The following PCDH9 variants were observed in gnomAD, a reference collection of about 807,000 sequenced individuals.
PCDH9 encodes the protein protocadherin 9, also known as protocadherin-9.
PCDH9 carries 24 observed loss-of-function variants against 70.6 expected under a neutral mutation model. The ratio of observed to expected loss-of-function variants is 0.34; its 90% CI spans 0.25 to 0.48. The LOEUF (loss-of-function observed/expected upper bound fraction) is 0.48. Among genes scored for constraint, PCDH9 ranks in the 20% least tolerant of loss-of-function variants. The pLI, the probability that PCDH9 is intolerant of heterozygous loss-of-function variation, is 0.99. For missense variants in PCDH9, 1,281 were observed against 1,503.6 expected (o/e 0.85, Z 2.45); for synonymous variants, 562 against 558.5 (o/e 1.01, Z -0.09).
chr13:66,388,557 G>A (rs1054412536), intron 4 of PCDH9, among the ~76,000 whole-genome samples: 2 of 152,148 alleles, frequency 1.3e-5, no homozygotes, highest in African/African-American at 4.8e-5. Context: ...GAAGTTTATA[G>A]TTTACAGTTA....
At chr13:66,351,460 G>A (rs886602600) in intron 4 of PCDH9, among the ~76,000 whole-genome samples, 2 of 151,972 alleles carry the variant, frequency 1.3e-5, no homozygotes, top group East Asian at 1.9e-4. Context: ...AGGGAAAGAC[G>A]TTCGATTTAT....
intron 3 of PCDH9, among the ~76,000 whole-genome samples, chr13:66,689,688 T>A (rs2078454819): frequency 6.6e-6 from 1 of 152,090 alleles, no homozygotes; most frequent in Non-Finnish European, 1.5e-5. Flanking sequence ...TGCTAAAAAA[T>A]TAACCTCAAA....
chr13:66,371,097 T>C (rs2138216747), intron 4 of PCDH9, among the ~76,000 whole-genome samples: 1 of 152,276 alleles, frequency 6.6e-6, no homozygotes, highest in Non-Finnish European at 1.5e-5. Context: ...ACATCTTTCC[T>C]AATGATGTAA....
chr13:67,080,622 T>G (rs1285614938), intron 2 of PCDH9, among the ~76,000 whole-genome samples: 1 of 152,236 alleles, frequency 6.6e-6, no homozygotes, highest in Non-Finnish European at 1.5e-5. Flanking sequence ...CTATGACTGA[T>G]TTGTGCATTA....
chr13:66,871,178 A>C (rs1191596112), intron 3 of PCDH9, among the ~76,000 whole-genome samples: 1 of 151,174 alleles, frequency 6.6e-6, no homozygotes, highest in Non-Finnish European at 1.5e-5. Flanking sequence ...CATAGGTGGG[A>C]ATTGAACAAT....
chr13:66,545,232 T>C (rs1204066169), intron 4 of PCDH9, among the ~76,000 whole-genome samples: 1 of 152,184 alleles, frequency 6.6e-6, no homozygotes, highest in Non-Finnish European at 1.5e-5. Context: ...GCTATTTGCA[T>C]TGAGAAATCT....
chr13:66,894,909 G>C (rs574751487), intron 3 of PCDH9, among the ~76,000 whole-genome samples: 18 of 152,062 alleles, frequency 1.2e-4, no homozygotes, highest in Non-Finnish European at 2.4e-4. Context: ...CTGGGTTCAA[G>C]TGATTCTAGT....
At chr13:67,045,707 T>C (rs1273706283) in intron 2 of PCDH9, among the ~76,000 whole-genome samples, 3 of 152,242 alleles carry the variant, frequency 2.0e-5, no homozygotes, top group Admixed American at 6.5e-5. Context: ...TAGGTACAAG[T>C]TTTCAATGCT....
chr13:67,158,887 C>T (rs1346935359), intron 2 of PCDH9, among the ~76,000 whole-genome samples: 1 of 152,120 alleles, frequency 6.6e-6, no homozygotes, highest in African/African-American at 2.4e-5. Flanking sequence ...CATAAGCTAC[C>T]ATGCTAAAAT....
At chr13:66,355,051 C>A (rs1956357350) in intron 4 of PCDH9, among the ~76,000 whole-genome samples, 1 of 152,118 alleles carries the variant, frequency 6.6e-6, no homozygotes, top group African/African-American at 2.4e-5. Context: ...CCATGGATCA[C>A]ACTGGAGTGA....
At chr13:67,031,422 A>G (rs1345443013) in intron 2 of PCDH9, among the ~76,000 whole-genome samples, 1 of 152,182 alleles carries the variant, frequency 6.6e-6, no homozygotes, top group Non-Finnish European at 1.5e-5. Context: ...ATAATTATAC[A>G]GGCCAGGCGA....
intron 4 of PCDH9, among the ~76,000 whole-genome samples, chr13:66,526,902 T>C (rs1054704694): frequency 6.6e-5 from 10 of 152,166 alleles, no homozygotes; most frequent in African/African-American, 1.9e-4. Context: ...ATAAAAGTAC[T>C]GTGAGCATAT....
chr13:66,330,340 A>T (rs528591852), intron 4 of PCDH9, among the ~76,000 whole-genome samples: 1 of 152,292 alleles, frequency 6.6e-6, no homozygotes, highest in East Asian at 1.9e-4. Flanking sequence ...TTTCCTGCTG[A>T]TCCAGTGACA....
At chr13:67,217,416 A>G (rs1190787223) in intron 2 of PCDH9, 1 of 152,076 alleles carries the variant, frequency 6.6e-6, no homozygotes, top group Non-Finnish European at 1.5e-5. Context: ...ACTTTTTCTA[A>G]TAGGTGAAAA....
chr13:67,058,880 G>A (rs1436040894), intron 2 of PCDH9, among the ~76,000 whole-genome samples: 1 of 151,930 alleles, frequency 6.6e-6, no homozygotes, highest in East Asian at 1.9e-4. Context: ...TACTCTCCTT[G>A]TTTTTAGGTG....
chr13:66,731,249 A>T (rs7322791), intron 3 of PCDH9, among the ~76,000 whole-genome samples: 2 of 152,046 alleles, frequency 1.3e-5, no homozygotes, highest in African/African-American at 4.8e-5. Flanking sequence ...AAAATAACTC[A>T]CTAAGGAAGC....
intron 3 of PCDH9, among the ~76,000 whole-genome samples, chr13:66,871,917 T>C (rs1367188724): frequency 6.6e-6 from 1 of 152,072 alleles, no homozygotes; most frequent in Non-Finnish European, 1.5e-5. Flanking sequence ...CAGGCACAGG[T>C]TGAAATTTAT....
chr13:66,945,817 GT>G (rs1594295776), intron 2 of PCDH9, among the ~76,000 whole-genome samples: 1 of 152,058 alleles, frequency 6.6e-6, no homozygotes, highest in African/African-American at 2.4e-5. Flanking sequence ...ATTCTTGTAT[GT>G]GTTTTACAGT....
At chr13:66,307,585 A>G (rs915072140) in intron 4 of PCDH9, among the ~76,000 whole-genome samples, 1 of 152,104 alleles carries the variant, frequency 6.6e-6, no homozygotes, top group Non-Finnish European at 1.5e-5. Flanking sequence ...GATATGTAAC[A>G]TATCTTGAAG....
Sources: gnomAD v4.1 joint callset for allele counts (sites outside exome capture counted in the v4.1 genomes callset) on GRCh38, gnomAD v4.1.1 for gene constraint, MANE v1.5 for transcripts, NCBI Gene and HGNC (gene_info 2026-07-23, HGNC 2026-07-21) for gene names.